The following DSE variants were observed in gnomAD, a reference collection of about 807,000 sequenced individuals.
The protein encoded by DSE is dermatan-sulfate epimerase.
In DSE, 36 loss-of-function variants were observed where a neutral mutation model predicts 84.4. That is an observed-to-expected ratio of 0.43 (90% CI 0.33 to 0.56). DSE has a LOEUF of 0.56. DSE is among the 20% of genes least tolerant of loss of function. The pLI is 0.06. For synonymous variants in DSE, 410 were observed against 430.1 expected (o/e 0.95, Z 0.58); for missense variants, 862 against 1,169.6 (o/e 0.74, Z 3.84).
intron 2 of DSE, among the ~76,000 whole-genome samples, chr6:116,299,950 A>G (rs758693914): frequency 9.2e-5 from 14 of 152,338 alleles, no homozygotes; most frequent in South Asian, 2.1e-4. Context: ...ATGCAACATT[A>G]GATGGAAATA....
At position 116,437,133 on chromosome 6, in the gene DSE, A is replaced by G. The variant is rs1784227104; in HGVS notation, c.2665A>G (p.Thr889Ala). 1.2e-6 allele frequency: 2 copies of G among 1,614,138 alleles called. No homozygotes were observed. The highest frequency in any genetic ancestry group is 1.7e-6 in the Non-Finnish European group (2 of 1,180,002). Residue 889 changes from threonine to alanine, a missense_variant, in exon 6 of 6, where the codon ACA becomes GCA. By Grantham distance (58) the Thr-to-Ala change is moderately conservative. Coordinates refer to ENST00000644252, the MANE Select transcript of DSE (RefSeq NM_013352.4). ...RFGQARMVTT[T>A]HSRAPSLSAS... ...TGGACAGGCACGGATGGTGACAACT[A>G]CACACAGCAGGGCCCCATCACTGTC...
chr6:116,301,642 A>T (rs1021916009), intron 2 of DSE, among the ~76,000 whole-genome samples: 1 of 151,832 alleles, frequency 6.6e-6, no homozygotes, highest in African/African-American at 2.4e-5. Context: ...AAAAACCAGC[A>T]TTTTTTTTAA....
chr6:116,255,269 G>A (rs1772096286), intron 1 of DSE: 1 of 152,200 alleles, frequency 6.6e-6, no homozygotes, highest in East Asian at 1.9e-4. Context: ...TACAGGCTCA[G>A]AAGTACAGAT....
intron 2 of DSE, chr6:116,278,573 G>A (rs755262799): frequency 3.1e-6 from 5 of 1,614,194 alleles, no homozygotes; most frequent in Non-Finnish European, 4.2e-6. Flanking sequence ...CTTAGCGGGC[G>A]ACGTCGGGCT....
rs1277190737 is a variant in DSE at position 116,436,466 on chromosome 6, G to A, written c.1998G>A (p.Gly666=). The A allele has an allele frequency of 6.2e-7, 1 of 1,614,124 alleles. No individual in the cohort carries two copies. The highest frequency in any genetic ancestry group is 2.2e-5 in the East Asian group (1 of 44,878). ...CCAGGGCAGCTTACCTCTTCATAGG[G>A]CCATCTATAGATGTTCAGAGCTTCA... ...PITRAAYLFI[G]PSIDVQSFTV... is the part of the protein sequence containing the mutation. Residue 666 remains glycine (G), a synonymous_variant, in exon 6 of 6, where the codon GGG becomes GGA. Transcript: ENST00000644252.
intron 2 of DSE, among the ~76,000 whole-genome samples, chr6:116,402,787 A>G (rs1208017456): frequency 2.6e-5 from 4 of 152,204 alleles, no homozygotes; most frequent in Non-Finnish European, 4.4e-5. Context: ...AATGTATACA[A>G]GAATCTAATG....
At chr6:116,415,312 C>T (rs566976326) in intron 2 of DSE, among the ~76,000 whole-genome samples, 117 of 152,232 alleles carry the variant, frequency 7.7e-4, no homozygotes, top group African/African-American at 2.7e-3. Context: ...ATGTCTGACC[C>T]CACTATTCCT....
intron 2 of DSE, among the ~76,000 whole-genome samples, chr6:116,340,342 A>G (rs1215913930): frequency 6.6e-6 from 1 of 151,798 alleles, no homozygotes; most frequent in Admixed American, 6.6e-5. Context: ...AAGTTCATTG[A>G]TTCTTTCTTC....
intron 2 of DSE, among the ~76,000 whole-genome samples, chr6:116,302,390 TG>T (rs1329096806): frequency 6.6e-6 from 1 of 152,266 alleles, no homozygotes; most frequent in African/African-American, 2.4e-5. Context: ...TGACCAGTGA[TG>T]ATGAGCTTTT....
At chr6:116,324,576 C>T (rs1776516700) in intron 2 of DSE, among the ~76,000 whole-genome samples, 1 of 152,126 alleles carries the variant, frequency 6.6e-6, no homozygotes, top group Non-Finnish European at 1.5e-5. Flanking sequence ...AGCTTTGGAA[C>T]CTACATGAGA....
intron 2 of DSE, among the ~76,000 whole-genome samples, chr6:116,300,412 T>C (rs1242218806): frequency 6.6e-6 from 1 of 152,206 alleles, no homozygotes; most frequent in African/African-American, 2.4e-5. Flanking sequence ...AATGCACAAG[T>C]TCCTTAAATT....
At chr6:116,406,442 A>G (rs1019746215) in intron 2 of DSE, among the ~76,000 whole-genome samples, 10 of 152,228 alleles carry the variant, frequency 6.6e-5, no homozygotes, top group African/African-American at 2.4e-4. Context: ...TCATTATCAT[A>G]AGGGAAAATG....
At chr6:116,279,942 G>T (rs751345206) in intron 2 of DSE, 15 of 1,506,538 alleles carry the variant, frequency 1.0e-5, no homozygotes, top group South Asian at 2.3e-5. Context: ...ACATTTCAGC[G>T]GCGGTGTCGT....
intron 2 of DSE, among the ~76,000 whole-genome samples, chr6:116,364,125 A>G (rs1297714690): frequency 1.3e-5 from 2 of 152,148 alleles, no homozygotes; most frequent in Non-Finnish European, 2.9e-5. Flanking sequence ...TACTTTTCTC[A>G]CTTAGATGAC....
intron 2 of DSE, chr6:116,278,428 T>C (rs1022676196): frequency 7.0e-6 from 11 of 1,569,416 alleles, no homozygotes; most frequent in Non-Finnish European, 7.0e-6. Context: ...CAAAGCACAA[T>C]AGAAGGCATA....
At chr6:116,342,006 A>G (rs1777624676) in intron 2 of DSE, among the ~76,000 whole-genome samples, 1 of 152,158 alleles carries the variant, frequency 6.6e-6, no homozygotes, top group African/African-American at 2.4e-5. Flanking sequence ...GTTAATTTTT[A>G]AAACATGGTT....
chr6:116,290,977 C>G (rs1774244474), intron 2 of DSE, among the ~76,000 whole-genome samples: 1 of 152,192 alleles, frequency 6.6e-6, no homozygotes, highest in Non-Finnish European at 1.5e-5. Flanking sequence ...GCAATGTCAT[C>G]TGTAGCACAG....
intron 4 of DSE, 134 bp from the exon 5 acceptor site, chr6:116,433,209 T>C: frequency 1.2e-6 from 1 of 839,490 alleles, no homozygotes; most frequent in African/African-American, 1.7e-5. Flanking sequence ...GTGAGGATTG[T>C]GATTTTTCTT....
At chr6:116,407,220 G>C (rs79787618) in intron 2 of DSE, among the ~76,000 whole-genome samples, 399 of 152,264 alleles carry the variant, frequency 2.6e-3, no homozygotes, top group Non-Finnish European at 3.5e-3. Flanking sequence ...ATGATTCTTA[G>C]ATGTACTAAA....
Sources: allele counts gnomAD v4.1 joint callset (sites outside exome capture counted in the v4.1 genomes callset), GRCh38; gene constraint gnomAD v4.1.1; transcripts MANE v1.5; gene names NCBI Gene and HGNC (gene_info 2026-07-23, HGNC 2026-07-21).